The following C11orf65 variants were observed in gnomAD, a reference collection of about 807,000 sequenced individuals.
The protein encoded by C11orf65 is chromosome 11 open reading frame 65.
C11orf65 carries 38 observed loss-of-function variants against 35.3 expected under a neutral mutation model. The ratio of observed to expected loss-of-function variants is 1.08; its 90% CI spans 0.83 to 1.41. The LOEUF is 1.41. Ranked by LOEUF, C11orf65 falls within the 40% of genes most tolerant of loss-of-function variation. The pLI is 0.00. For missense variants in C11orf65, 370 were observed against 367.1 expected (o/e 1.01, Z -0.06); for synonymous variants, 105 against 114.4 (o/e 0.92, Z 0.53).
At chr11:108,347,493 T>G in intron 2 of C11orf65, 1 of 784,288 alleles carries the variant, frequency 1.3e-6, no homozygotes, top group Admixed American at 2.5e-5. Context: ...TTGGGTTTTT[T>G]TGTTTTCAGC....
chr11:108,424,541 A>G (rs1046875711), intron 3 of C11orf65, among the ~76,000 whole-genome samples: 1 of 152,176 alleles, frequency 6.6e-6, no homozygotes, highest in Admixed American at 6.5e-5. Flanking sequence ...AAGGAGACTT[A>G]GACTCCCACA....
At chr11:108,413,408 T>C (rs927681971) in intron 3 of C11orf65, among the ~76,000 whole-genome samples, 1 of 152,212 alleles carries the variant, frequency 6.6e-6, no homozygotes, top group Admixed American at 6.5e-5. Context: ...TGTATACATT[T>C]TTAGCATCCA....
intron 2 of C11orf65, among the ~76,000 whole-genome samples, chr11:108,438,020 A>C (rs541773668): frequency 2.2e-3 from 332 of 152,328 alleles, no homozygotes; most frequent in African/African-American, 7.6e-3. Flanking sequence ...AAGCTACAAT[A>C]ATCAAAACAG....
chr11:108,429,540 G>T (rs933607288), intron 3 of C11orf65, among the ~76,000 whole-genome samples: 1 of 152,156 alleles, frequency 6.6e-6, no homozygotes, highest in Non-Finnish European at 1.5e-5. Context: ...TGCATTATTG[G>T]TGAGAGTACA....
intron 7 of C11orf65, among the ~76,000 whole-genome samples, chr11:108,388,180 C>A (rs1310710040): frequency 6.6e-6 from 1 of 152,302 alleles, no homozygotes; most frequent in East Asian, 1.9e-4. Context: ...GTGTGCTGAG[C>A]CCTGACAATC....
chr11:108,424,770 C>T (rs2092875784), intron 3 of C11orf65, among the ~76,000 whole-genome samples: 1 of 152,140 alleles, frequency 6.6e-6, no homozygotes, highest in African/African-American at 2.4e-5. Context: ...AGTAAACACT[C>T]CTCAGCAAAT....
Position 108,353,891 on chromosome 11 carries a change from T to A in C11orf65, c.227-18599A>T, listed in dbSNP as rs368627124. The A allele has an allele frequency of 6.2e-7, 1 of 1,602,386 alleles. No individual in the cohort carries two copies. Among genetic ancestry groups the A allele is most frequent in the Non-Finnish European group, 8.6e-7 (1 of 1,169,518 alleles). On this transcript the variant is annotated intron_variant, in intron 2 of 3. Transcript: ENST00000524755. ...AGGTGTCTTCAGAAGGTAAGTGATA[T>A]GAAGTAAAGGAGGGAAATAATTTTT...
chr11:108,400,969 C>T (rs982971220), intron 6 of C11orf65, among the ~76,000 whole-genome samples: 5 of 151,998 alleles, frequency 3.3e-5, no homozygotes, highest in Admixed American at 2.6e-4. Flanking sequence ...ATTAGCCAGG[C>T]ATGGTGGCAC....
At chr11:108,390,498 T>C (rs139047353) in intron 7 of C11orf65, among the ~76,000 whole-genome samples, 98 of 152,110 alleles carry the variant, frequency 6.4e-4, no homozygotes, top group African/African-American at 2.3e-3. Context: ...CTGGTATCAA[T>C]TTTTTGTACT....
intron 2 of C11orf65, chr11:108,335,406 C>T: frequency 1.4e-6 from 1 of 732,290 alleles, no homozygotes; most frequent in Non-Finnish European, 2.0e-6. Context: ...GTGTCTGTCT[C>T]TTATTTCCTT....
chr11:108,468,312 G>C (rs1444908171), upstream of C11orf65, among the ~76,000 whole-genome samples: 1 of 152,158 alleles, frequency 6.6e-6, no homozygotes, highest in Non-Finnish European at 1.5e-5. Context: ...GAAAACAGAC[G>C]ACCTCTTGAA....
intron 2 of C11orf65, among the ~76,000 whole-genome samples, chr11:108,348,817 G>A (rs1565570659): frequency 6.7e-6 from 1 of 150,146 alleles, no homozygotes; most frequent in Non-Finnish European, 1.5e-5. Context: ...ATTTATTGAA[G>A]TAGGAGAATT....
intron 2 of C11orf65, among the ~76,000 whole-genome samples, chr11:108,459,594 T>C (rs376169708): frequency 6.6e-5 from 10 of 152,208 alleles, no homozygotes; most frequent in African/African-American, 2.4e-4. Context: ...CATCTATTTT[T>C]AGTTTTCCAA....
intron 6 of C11orf65, among the ~76,000 whole-genome samples, chr11:108,396,116 G>A (rs1363657338): frequency 6.6e-6 from 1 of 151,780 alleles, no homozygotes; most frequent in Admixed American, 6.6e-5. Context: ...TGATCCATGA[G>A]AGCAAATGCT....
At chr11:108,431,954 C>A in intron 2 of C11orf65, 116 bp from the exon 3 acceptor site, 1 of 500,754 alleles carries the variant, frequency 2.0e-6, no homozygotes. Context: ...TTTTATGTAT[C>A]CACACTAGAT....
chr11:108,341,971 A>G (rs1168397368), intron 2 of C11orf65, among the ~76,000 whole-genome samples: 2 of 152,214 alleles, frequency 1.3e-5, no homozygotes, highest in Non-Finnish European at 2.9e-5. Context: ...TCCTGGGTAT[A>G]TACCCTAGAG....
downstream of C11orf65, among the ~76,000 whole-genome samples, chr11:108,330,004 G>A (rs1420598544): frequency 1.3e-5 from 2 of 152,200 alleles, no homozygotes; most frequent in African/African-American, 2.4e-5. Flanking sequence ...CTTGGGGAGA[G>A]TCCCCTTTGT....
At chr11:108,414,503 A>C (rs1476785429) in intron 3 of C11orf65, among the ~76,000 whole-genome samples, 5 of 152,112 alleles carry the variant, frequency 3.3e-5, no homozygotes, top group African/African-American at 1.2e-4. Context: ...TAATCTACCA[A>C]AAATCACAGA....
intron 3 of C11orf65, among the ~76,000 whole-genome samples, chr11:108,417,777 G>C (rs181435920): frequency 5.9e-5 from 9 of 152,144 alleles, no homozygotes; most frequent in Non-Finnish European, 2.9e-5. Flanking sequence ...GCAGGTGGCG[G>C]GCTAGGGGAG....
Sources: allele counts gnomAD v4.1 joint callset (sites outside exome capture counted in the v4.1 genomes callset), GRCh38; gene constraint gnomAD v4.1.1; transcripts MANE v1.5; gene names NCBI Gene and HGNC (gene_info 2026-07-23, HGNC 2026-07-21).